The following TTF1 variants were observed in gnomAD, a reference collection of about 807,000 sequenced individuals.
The protein encoded by TTF1 is transcription termination factor 1.
Under a neutral mutation model 80.2 loss-of-function variants are expected in TTF1, and 64 were observed. The ratio of observed to expected loss-of-function variants is 0.80; its 90% CI spans 0.65 to 0.98. The LOEUF (loss-of-function observed/expected upper bound fraction) is 0.98, where lower values mean the gene tolerates loss of function less well. Among genes scored for constraint, TTF1 ranks in the 50% least tolerant of loss-of-function variants. The pLI, the probability that TTF1 is intolerant of heterozygous loss-of-function variation, is 0.00. For missense variants in TTF1, 1,023 were observed against 1,086.2 expected, an observed-to-expected ratio of 0.94 and a Z score of 0.82; for synonymous variants, 372 against 382.7, an observed-to-expected ratio of 0.97 and a Z score of 0.33.
intron 3 of TTF1, 92 bp from the exon 4 acceptor site, chr9:132,398,418 C>CCT: frequency 7.4e-7 from 1 of 1,343,174 alleles, no homozygotes; most frequent in South Asian, 1.4e-5. Context: ...AATGACAGTA[C>CCT]CTCGGCCCAA....
At chr9:132,385,479 G>A (rs562265821) in intron 9 of TTF1, among the ~76,000 whole-genome samples, 1 of 152,256 alleles carries the variant, frequency 6.6e-6, no homozygotes, top group Non-Finnish European at 1.5e-5. Flanking sequence ...CCAGCCCATC[G>A]CTGCCGTCAT....
chr9:132,387,387 G>A (rs1849487971), intron 8 of TTF1, among the ~76,000 whole-genome samples: 1 of 152,130 alleles, frequency 6.6e-6, no homozygotes, highest in Non-Finnish European at 1.5e-5. Context: ...CTGGAACCCA[G>A]GCCTGCTTGA....
intron 7 of TTF1, among the ~76,000 whole-genome samples, chr9:132,390,053 G>A (rs1485410974): frequency 1.3e-5 from 2 of 152,122 alleles, no homozygotes. Context: ...TCAGCTCACT[G>A]CAACCTCCAC....
chr9:132,377,732 G>A (rs1849243344), intron 10 of TTF1, among the ~76,000 whole-genome samples: 2 of 127,598 alleles, frequency 1.6e-5, no homozygotes, highest in South Asian at 2.8e-4. Flanking sequence ...GTGTGTGAGT[G>A]CATGTGGTGT....
intron 8 of TTF1, 144 bp downstream of exon 8, chr9:132,387,995 G>T: frequency 1.8e-6 from 1 of 556,898 alleles, no homozygotes; most frequent in Non-Finnish European, 3.2e-6. Context: ...TAGAAGGGTA[G>T]GTCATATGCC....
chr9:132,393,811 C>T (rs1165416609), intron 5 of TTF1, among the ~76,000 whole-genome samples: 1 of 152,100 alleles, frequency 6.6e-6, no homozygotes, highest in East Asian at 1.9e-4. Context: ...TAAGATTAAA[C>T]ACCTAAATAT....
rs1849692980 is a variant in TTF1, at chr9:132,398,250, G to C, written c.1668C>G (p.Ala556=). The C allele has an allele frequency of 3.1e-6, 5 of 1,608,800 alleles. No homozygotes were observed. The highest frequency in any genetic ancestry group is 3.4e-6 in the Non-Finnish European group (4 of 1,178,298). The change falls in exon 4 of 11, where the codon GCC becomes GCG. Residue 556 remains alanine (A), a synonymous_variant. Transcript: ENST00000334270. ...QLEKNVEDFL[A]LTGIESADKL... Reference sequence around the variant, plus strand: ...TGTCTGCACTCTCAATGCCTGTCAGGGCTAGAAAGTCTTCCACATTTTTCT... The same window carrying C: ...TGTCTGCACTCTCAATGCCTGTCAGCGCTAGAAAGTCTTCCACATTTTTCT...
intron 7 of TTF1, among the ~76,000 whole-genome samples, chr9:132,388,438 G>A (rs1241320787): frequency 6.6e-6 from 1 of 151,912 alleles, no homozygotes; most frequent in East Asian, 1.9e-4. Context: ...CCGGGTTCAA[G>A]CGATTCTCCT....
rs1233233945 is a variant in TTF1, at chr9:132,401,838, A to T, written c.984T>A (p.Tyr328Ter). The T allele has an allele frequency of 1.2e-6, 2 of 1,610,056 alleles. No individual in the cohort carries two copies. Among genetic ancestry groups the T allele is most frequent in the South Asian group, 2.2e-5 (2 of 90,894 alleles). Residue 328 changes from tyrosine to a stop codon, truncating the protein, a stop_gained, in exon 2 of 11, where the codon TAT becomes TAA. Transcript: ENST00000334270. LOFTEE classifies it high-confidence loss of function. ...GETAGIPAPA[Y>*]KNKSKKKKKK... The stretch of plus-strand genomic sequence containing the variant: ...TCTTTTTTTTCTTAGACTTGTTTTT[A>T]TAAGCAGGTGCTGGTATTCCTGCAG...
At position 132,375,903 on chromosome 9, in the gene TTF1, G is replaced by A. The variant is rs367633316; in HGVS notation, c.*12C>T. ...TCACCATGTTGGTCAGGCCGGTCTC[G>A]AACTCCTGACCTCAGATGATCCACC... On this transcript the variant is annotated 3_prime_UTR_variant, in exon 11 of 11. Coordinates refer to ENST00000334270, the MANE Select transcript of TTF1 (RefSeq NM_007344.4). The A allele has an allele frequency of 4.8e-5, 72 of 1,515,050 alleles. No homozygotes were observed. Among genetic ancestry groups the A allele is most frequent in the Non-Finnish European group, 5.4e-5 (60 of 1,110,004 alleles). 93.9% of individuals were successfully genotyped at this position (1,515,050 alleles called of 1,614,324 possible). A position where few individuals can be genotyped will look rare whatever the true frequency, so the allele number is the denominator to read the frequency against.
At chr9:132,389,943 C>G (rs1232316674) in intron 7 of TTF1, among the ~76,000 whole-genome samples, 1 of 152,168 alleles carries the variant, frequency 6.6e-6, no homozygotes, top group African/African-American at 2.4e-5. Flanking sequence ...TGATTTCTCT[C>G]TGTATGTTAG....
Position 132,377,775 on chromosome 9 carries a change from G to A in TTF1, c.2464+1284C>T, listed in dbSNP as rs555855437. ...TGTGGTGCGTGTGAATGCATGTGGT[G>A]TGTGTGAGTGCATGTGGTGTGTGTG... On this transcript the variant is annotated intron_variant, in intron 10 of 10. Transcript: ENST00000334270. 1.0e-4 allele frequency among the ~76,000 whole-genome samples: 14 copies of A among 138,108 alleles called. No individual in the cohort carries two copies. The East Asian group carries it at 3.1e-3, about 30-fold the overall frequency. The allele number at this position is 138,108 out of a possible 152,430, so 90.6% of individuals were successfully genotyped here. A position where few individuals can be genotyped will look rare whatever the true frequency, so the allele number is the denominator to read the frequency against.
intron 4 of TTF1, 106 bp downstream of exon 4, chr9:132,398,035 C>T (rs956132142): frequency 6.9e-6 from 6 of 875,780 alleles, no homozygotes; most frequent in East Asian, 2.9e-5. Context: ...TAATGTGCGC[C>T]GCCTGCAGGC....
chr9:132,399,741 T>G (rs1393727475), intron 3 of TTF1, among the ~76,000 whole-genome samples: 1 of 152,194 alleles, frequency 6.6e-6, no homozygotes, highest in Non-Finnish European at 1.5e-5. Flanking sequence ...TCATTTCCAG[T>G]GTCTCAACCA....
At chr9:132,387,721 A>G (rs1375811888) in intron 8 of TTF1, among the ~76,000 whole-genome samples, 3 of 152,156 alleles carry the variant, frequency 2.0e-5, no homozygotes, top group Admixed American at 1.3e-4. Context: ...TGGACAAGGA[A>G]CTCAAAGACA....
chr9:132,377,925 TGTG>T (rs1208008113), intron 10 of TTF1, among the ~76,000 whole-genome samples: 8 of 113,494 alleles, frequency 7.0e-5, no homozygotes, highest in African/African-American at 2.9e-4. Flanking sequence ...TGTGAGTGCA[TGTG>T]GTGCGTGTGA....
rs763209335 is a variant in TTF1 at position 132,402,680 on chromosome 9, G to C, written c.142C>G (p.Gln48Glu). Residue 48 changes from glutamine (Q) to glutamate (E), a missense_variant, in exon 2 of 11, where the codon CAA becomes GAA. Physicochemically the swap from Gln to Glu is conservative, Grantham distance 29. Coordinates refer to ENST00000334270, the MANE Select transcript of TTF1 (RefSeq NM_007344.4). ...TTCCTCTTTTTCCTCCTAGTTATTTGAGACTGTTCATTCACCAGGGAGGAG... is the reference window on the plus strand; with the variant it reads ...TTCCTCTTTTTCCTCCTAGTTATTTCAGACTGTTCATTCACCAGGGAGGAG... ...RDSSLVNEQS[Q>E]ITRRKKRKKD... The C allele has an allele frequency of 1.2e-6, 2 of 1,613,898 alleles. No individual in the cohort carries two copies. The highest frequency in any genetic ancestry group is 8.5e-7 in the Non-Finnish European group (1 of 1,180,022).
rs568282346 is a variant in TTF1 at position 132,377,837 on chromosome 9, TGTG to T, written c.2464+1219_2464+1221del. Among the ~76,000 whole-genome samples, 7 of 138,168 alleles carry T rather than the reference TGTG, an allele frequency of 5.1e-5. No individual in the cohort carries two copies. In the South Asian group the frequency reaches 7.2e-4, roughly 14 times the overall value. The allele number at this position is 138,168 out of a possible 152,430, so 90.6% of individuals were successfully genotyped here. A position where few individuals can be genotyped will look rare whatever the true frequency, so the allele number is the denominator to read the frequency against. On this transcript the variant is annotated intron_variant, in intron 10 of 10. Coordinates refer to ENST00000334270, the MANE Select transcript of TTF1 (RefSeq NM_007344.4). ...AGTGCATGTGGTGTGTGTGAATGCA[TGTG>T]GTGTGTGTGAATGCATGTGGTGTGA... is the stretch of plus-strand genomic sequence containing the variant.
Position 132,402,151 on chromosome 9 carries a change from TTC to T in TTF1, c.669_670del (p.Lys225ValfsTer3). ...CTCATATTCCCGGTTACTGGACTTT[TTC>T]TTTTTTTTCTTAGACTTGTTTTTAT... On this transcript the variant is annotated frameshift_variant, in exon 2 of 11. Coordinates refer to ENST00000334270, the MANE Select transcript of TTF1 (RefSeq NM_007344.4). LOFTEE classifies it high-confidence loss of function. 1 of 1,614,136 alleles carries T rather than the reference TTC, an allele frequency of 6.2e-7. No individual in the cohort carries two copies. The highest frequency in any genetic ancestry group is 8.5e-7 in the Non-Finnish European group (1 of 1,180,028).
Sources: allele counts gnomAD v4.1 joint callset (sites outside exome capture counted in the v4.1 genomes callset), GRCh38; gene constraint gnomAD v4.1.1; transcripts MANE v1.5; gene names NCBI Gene and HGNC (gene_info 2026-07-23, HGNC 2026-07-21).